The following MYO3B variants were observed in gnomAD, a reference collection of about 807,000 sequenced individuals.
The protein encoded by MYO3B is myosin IIIB.
A neutral mutation model predicts 174.6 loss-of-function variants in MYO3B; 156 were observed. The ratio of observed to expected loss-of-function variants is 0.89; its 90% CI spans 0.78 to 1.02. The LOEUF is 1.02. Ranked by LOEUF, MYO3B falls within the 50% of genes least tolerant of loss-of-function variation. The pLI is 0.00. For missense variants in MYO3B, 1,632 were observed against 1,639.4 expected, an observed-to-expected ratio of 1.00 and a Z score of 0.08; for synonymous variants, 563 against 569.1, an observed-to-expected ratio of 0.99 and a Z score of 0.15.
At chr2:170,559,022 C>A (rs191818883) in intron 32 of MYO3B, among the ~76,000 whole-genome samples, 6 of 152,302 alleles carry the variant, frequency 3.9e-5, no homozygotes, top group Admixed American at 3.9e-4. Context: ...AGGAATATTT[C>A]ATTTTTATTT....
chr2:170,568,131 T>C lies in MYO3B; in HGVS notation c.3733+24143T>C, dbSNP rs567077187. Among the ~76,000 whole-genome samples, 31 of 152,356 alleles carry C rather than the reference T, an allele frequency of 2.0e-4. 1 individual carries two copies. The South Asian group carries it at 3.1e-3, about 15-fold the overall frequency. On this transcript the variant is annotated intron_variant, in intron 32 of 34. Coordinates refer to ENST00000408978, the MANE Select transcript of MYO3B (RefSeq NM_138995.5). ...ACCGTACAAATATTATTATTTTCTA[T>C]GTGTGCCATGACATGGCAAAGCCTG...
Position 170,182,648 on chromosome 2 carries a change from A to G in MYO3B, c.2+4359A>G, listed in dbSNP as rs866993822. Among the ~76,000 whole-genome samples, 12 of 132,852 alleles carry G rather than the reference A, an allele frequency of 9.0e-5. 1 individual carries two copies. In the Middle Eastern group the frequency reaches 0.014, roughly 158 times the overall value. The allele number at this position is 132,852 out of a possible 152,430, so 87.2% of individuals were successfully genotyped here. On this transcript the variant is annotated intron_variant, in intron 1 of 34. Coordinates refer to ENST00000408978, the MANE Select transcript of MYO3B (RefSeq NM_138995.5). ...TTTTTTTGAGACTGAGTTTCACTCC[A>G]TTGCCCAAGGTGGAGTGCAGTGGCG...
At chr2:170,645,646 A>C (rs1698309358) in intron 32 of MYO3B, among the ~76,000 whole-genome samples, 2 of 152,166 alleles carry the variant, frequency 1.3e-5, no homozygotes, top group Non-Finnish European at 2.9e-5. Flanking sequence ...TGCCGCTTAC[A>C]AATTTAGCCT....
chr2:170,206,029 T>C lies in MYO3B; in HGVS notation c.321+5745T>C, dbSNP rs1002994567. On this transcript the variant is annotated intron_variant, in intron 3 of 34. Transcript: ENST00000408978. This position sits in a 1 kb window ranked among gnomAD's most constrained non-coding sequence, Gnocchi z 4.3. ...AGGGCATACCTGTCATTCCCTGTCA[T>C]TGGCCTTCCTCCTCCATCTCCCTGC... Among the ~76,000 whole-genome samples, 1 of 152,174 alleles carries C rather than the reference T, an allele frequency of 6.6e-6. No individual in the cohort carries two copies. Among genetic ancestry groups the C allele is most frequent in the Non-Finnish European group, 1.5e-5 (1 of 68,020 alleles).
chr2:170,407,849 T>C lies in MYO3B; in HGVS notation c.2650+5T>C, dbSNP rs368981725. The C allele has an allele frequency of 1.9e-6, 3 of 1,613,912 alleles. No homozygotes were observed. Among genetic ancestry groups the C allele is most frequent in the Non-Finnish European group, 2.5e-6 (3 of 1,179,798 alleles). On this transcript the variant is annotated splice_donor_5th_base_variant and intron_variant, in intron 22 of 34. Coordinates refer to ENST00000408978, the MANE Select transcript of MYO3B (RefSeq NM_138995.5). ...CAATCCCTCTGACCAAAACAGGTACTTGGGAACCCTCTGATAGCCCTGCTC... is the reference window on the plus strand; with the variant it reads ...CAATCCCTCTGACCAAAACAGGTACCTGGGAACCCTCTGATAGCCCTGCTC...
chr2:170,539,849 T>C (rs561000978), intron 30 of MYO3B, among the ~76,000 whole-genome samples: 45 of 152,060 alleles, frequency 3.0e-4, no homozygotes, highest in Non-Finnish European at 5.4e-4. Context: ...CTCCAACTCC[T>C]GAACTCAAAC....
At chr2:170,254,443 A>G (rs1424249627) in intron 7 of MYO3B, among the ~76,000 whole-genome samples, 2 of 152,132 alleles carry the variant, frequency 1.3e-5, no homozygotes, top group Non-Finnish European at 2.9e-5. Flanking sequence ...GGGGGGGCGC[A>G]TCTGATCTGC....
intron 29 of MYO3B, among the ~76,000 whole-genome samples, chr2:170,518,114 C>T (rs752378301): frequency 1.3e-5 from 2 of 152,070 alleles, no homozygotes; most frequent in Non-Finnish European, 2.9e-5. Flanking sequence ...ATTACCTTAG[C>T]TCAAAGAATT....
chr2:170,618,659 T>C (rs1294587936), intron 32 of MYO3B, among the ~76,000 whole-genome samples: 1 of 152,130 alleles, frequency 6.6e-6, no homozygotes, highest in Non-Finnish European at 1.5e-5. Context: ...GGTCACCGCC[T>C]TCTGGTCCCA....
intron 1 of MYO3B, among the ~76,000 whole-genome samples, chr2:170,183,670 GT>G (rs533162322): frequency 2.2e-4 from 33 of 151,726 alleles, no homozygotes; most frequent in African/African-American, 7.7e-4. Flanking sequence ...TTATTTCTAT[GT>G]TTTTTTGTCT....
intron 9 of MYO3B, among the ~76,000 whole-genome samples, chr2:170,380,301 A>T (rs961164898): frequency 6.6e-6 from 1 of 152,114 alleles, no homozygotes; most frequent in South Asian, 2.1e-4. Context: ...CAAATTGTTG[A>T]TTCCAAATGT....
At chr2:170,347,334 G>A (rs1238960576) in intron 8 of MYO3B, among the ~76,000 whole-genome samples, 1 of 152,160 alleles carries the variant, frequency 6.6e-6, no homozygotes, top group Non-Finnish European at 1.5e-5. Context: ...GCCAGGTGTG[G>A]ATCACATCTG....
chr2:170,475,546 C>CCT (rs1685261855), intron 25 of MYO3B, among the ~76,000 whole-genome samples: 1 of 152,174 alleles, frequency 6.6e-6, no homozygotes, highest in African/African-American at 2.4e-5. Context: ...TGAGCCACCA[C>CCT]GTCCAGCTTA....
intron 14 of MYO3B, among the ~76,000 whole-genome samples, chr2:170,387,953 T>C (rs540518624): frequency 6.6e-6 from 1 of 152,286 alleles, no homozygotes; most frequent in South Asian, 2.1e-4. Flanking sequence ...TTAGCTACTC[T>C]TCCTATGATA....
chr2:170,345,385 C>T (rs915850484), intron 8 of MYO3B, among the ~76,000 whole-genome samples: 1 of 152,152 alleles, frequency 6.6e-6, no homozygotes, highest in Non-Finnish European at 1.5e-5. Flanking sequence ...GCGGCTTCCA[C>T]TGCCTTCTTA....
intron 32 of MYO3B, among the ~76,000 whole-genome samples, chr2:170,565,215 G>A (rs1435219601): frequency 3.9e-5 from 6 of 152,174 alleles, no homozygotes; most frequent in African/African-American, 9.7e-5. Context: ...ATGAGCATTC[G>A]TAGTATTGTT....
In MYO3B at chr2:170,214,471, C is replaced by T. The variant is rs750060089; in HGVS notation, c.414C>T (p.Tyr138=). The change falls in exon 4 of 35, where the codon TAC becomes TAT. Residue 138 remains tyrosine (Y), a synonymous_variant. Transcript: ENST00000408978. ...LDEAMISYIL[Y]GALLGLQHLH... ...AAGCAATGATCTCATACATCTTGTA[C>T]GGGGCCCTCTTGGTAAGAACATCTA... 2.7e-5 allele frequency: 44 copies of T among 1,613,862 alleles called. No homozygotes were observed. Among genetic ancestry groups the T allele is most frequent in the Non-Finnish European group, 3.3e-5 (39 of 1,179,934 alleles).
At chr2:170,401,390 C>G (rs2094474853) in intron 17 of MYO3B, 91 bp from the exon 18 acceptor site, 1 of 1,211,592 alleles carries the variant, frequency 8.3e-7, no homozygotes, top group Admixed American at 2.0e-5. Flanking sequence ...CAAATGGAGT[C>G]TGGCACATAG....
At chr2:170,560,896 A>G (rs993529999) in intron 32 of MYO3B, among the ~76,000 whole-genome samples, 3 of 152,202 alleles carry the variant, frequency 2.0e-5, no homozygotes, top group African/African-American at 7.2e-5. Context: ...GGGGGACAGA[A>G]CATCCAAGGA....
Sources: gnomAD v4.1 joint callset for allele counts (sites outside exome capture counted in the v4.1 genomes callset) on GRCh38, gnomAD v4.1.1 for gene constraint, Gnocchi (gnomAD v3.1) non-coding constraint, MANE v1.5 for transcripts, NCBI Gene and HGNC (gene_info 2026-07-23, HGNC 2026-07-21) for gene names.